Variants in TNC observed in about 807,000 individuals in gnomAD.
The protein encoded by TNC is tenascin.
In TNC, 109 loss-of-function variants were observed where a neutral mutation model predicts 202.4. The ratio of observed to expected loss-of-function variants is 0.54; its 90% confidence interval spans 0.46 to 0.63. The LOEUF (loss-of-function observed/expected upper bound fraction) is 0.63. Among genes scored for constraint, TNC ranks in the 30% least tolerant of loss-of-function variants. TNC has a pLI of 0.00. For synonymous variants in TNC, 1,007 were observed against 1,089.7 expected, an observed-to-expected ratio of 0.92 and a Z score of 1.50; for missense variants, 2,756 against 2,833.3, an observed-to-expected ratio of 0.97 and a Z score of 0.62.
chr9:115,076,410 G>C lies in TNC; in HGVS notation c.2840C>G (p.Thr947Arg). ...EVDVPKSQQA[T>R]TKTTLTGLRP... is the part of the protein sequence containing the mutation. ...CTCACCTGTGAGTGTGGTTTTGGTT[G>C]TGGCTTGTTGGCTCTTTGGAACATC... Residue 947 changes from threonine to arginine, a missense_variant, in exon 8 of 28, where the codon ACA becomes AGA. Coordinates refer to ENST00000350763, the MANE Select transcript of TNC (RefSeq NM_002160.4). The C allele has an allele frequency of 6.2e-7, 1 of 1,613,926 alleles. No homozygotes were observed. Among genetic ancestry groups the C allele is most frequent in the Non-Finnish European group, 8.5e-7 (1 of 1,179,900 alleles).
At chr9:115,060,224 T>G (rs1832444469) in intron 13 of TNC, among the ~76,000 whole-genome samples, 1 of 152,140 alleles carries the variant, frequency 6.6e-6, no homozygotes, top group Non-Finnish European at 1.5e-5. Flanking sequence ...GGTTTATCCT[T>G]GAGATGGCAA....
intron 14 of TNC, 149 bp from the exon 15 acceptor site, chr9:115,057,574 A>G (rs779243149): frequency 1.0e-4 from 92 of 878,448 alleles, no homozygotes; most frequent in Non-Finnish European, 1.4e-4. Flanking sequence ...AATGTTACCA[A>G]TTAGTGCCAA....
At chr9:115,076,942 G>C (rs767530070) in intron 7 of TNC, among the ~76,000 whole-genome samples, 3 of 152,184 alleles carry the variant, frequency 2.0e-5, no homozygotes, top group Non-Finnish European at 4.4e-5. Flanking sequence ...TCTGTCACCA[G>C]GCTGGAGTGT....
chr9:115,055,988 A>G (rs934093992), intron 15 of TNC, among the ~76,000 whole-genome samples: 5 of 152,144 alleles, frequency 3.3e-5, no homozygotes, highest in African/African-American at 7.2e-5. Flanking sequence ...GCAACTGGAT[A>G]ATGTTGGCTC....
intron 15 of TNC, among the ~76,000 whole-genome samples, chr9:115,054,651 A>G (rs1388894757): frequency 6.6e-6 from 1 of 152,218 alleles, no homozygotes; most frequent in Non-Finnish European, 1.5e-5. Flanking sequence ...ACAGAGAAAG[A>G]TAGTGGTAGT....
chr9:115,094,483 A>G (rs932016108), intron 1 of TNC, among the ~76,000 whole-genome samples: 3 of 152,228 alleles, frequency 2.0e-5, no homozygotes, highest in Non-Finnish European at 4.4e-5. Flanking sequence ...TCCTTTGTGG[A>G]TGAACCCAGG....
chr9:115,077,857 G>T, intron 7 of TNC, 86 bp downstream of exon 7: 1 of 1,414,238 alleles, frequency 7.1e-7, no homozygotes, highest in Non-Finnish European at 9.7e-7. Flanking sequence ...TGTAAAATGA[G>T]CCTGGAAGAT....
intron 27 of TNC, among the ~76,000 whole-genome samples, chr9:115,022,103 C>T (rs1197003496): frequency 2.0e-5 from 3 of 152,230 alleles, no homozygotes; most frequent in African/African-American, 7.2e-5. Context: ...ATCCATGAAA[C>T]CCCACATGGC....
At chr9:115,098,609 C>T (rs1835973207) in intron 1 of TNC, among the ~76,000 whole-genome samples, 1 of 152,162 alleles carries the variant, frequency 6.6e-6, no homozygotes, top group South Asian at 2.1e-4. Context: ...TTTAGTAGCT[C>T]ATGGAATATA....
At chr9:115,024,275 T>A in intron 26 of TNC, 139 bp from the exon 27 acceptor site, 1 of 816,328 alleles carries the variant, frequency 1.2e-6, no homozygotes, top group Non-Finnish European at 1.9e-6. Context: ...AGAGTCAGCA[T>A]TGAATGCGGA....
At position 115,064,026 on chromosome 9, in the gene TNC, C is replaced by T. The variant is rs754478194; in HGVS notation, c.3530G>A (p.Gly1177Asp). The change falls in exon 12 of 28, where the codon GGC becomes GAC. Residue 1177 changes from glycine to aspartate, a missense_variant. Physicochemically the swap from Gly to Asp is moderately conservative, Grantham distance 94. Around this residue, in one of 2 missense-constraint regions of TNC, gnomAD observed 2,559 missense variants for 2,546.0 expected, o/e 1.01. Coordinates refer to ENST00000350763, the MANE Select transcript of TNC (RefSeq NM_002160.4). ...NLGEVVVAEV[G>D]WDALKLNWTA... ...CCAGTTGAGTTTGAGGGCATCCCAGCCCACCTCGGCCACCACGACCTCTCC... is the reference window on the plus strand; with the variant it reads ...CCAGTTGAGTTTGAGGGCATCCCAGTCCACCTCGGCCACCACGACCTCTCC... 6.2e-7 allele frequency: 1 copy of T among 1,613,364 alleles called. No individual in the cohort carries two copies. Among genetic ancestry groups the T allele is most frequent in the Non-Finnish European group, 8.5e-7 (1 of 1,179,574 alleles).
chr9:115,057,499 G>T, intron 14 of TNC, 74 bp from the exon 15 acceptor site: 1 of 1,440,728 alleles, frequency 6.9e-7, no homozygotes, highest in Non-Finnish European at 9.3e-7. Context: ...TTAAGATTGA[G>T]GTTGTTAATA....
At chr9:115,024,938 C>T (rs1011948933) in intron 26 of TNC, among the ~76,000 whole-genome samples, 7 of 152,146 alleles carry the variant, frequency 4.6e-5, no homozygotes, top group African/African-American at 4.8e-5. Context: ...GGCATTCTAC[C>T]GTCATAATTT....
rs1169968990 is a variant in TNC at position 115,057,563 on chromosome 9, CAATGTTACCAATTAGT to C, written c.4307-154_4307-139del. On this transcript the variant is annotated intron_variant, in intron 14 of 27. Coordinates refer to ENST00000350763, the MANE Select transcript of TNC (RefSeq NM_002160.4). ...AATTCAGGGCTATGATGGAAGGAAGCAATGTTACCAATTAGTGCCAAAGGGAGAGAAAAAGCAGTTT... is the reference window on the plus strand; with the variant it reads ...AATTCAGGGCTATGATGGAAGGAAGCGCCAAAGGGAGAGAAAAAGCAGTTT... 6 of 925,860 alleles carry C rather than the reference CAATGTTACCAATTAGT, an allele frequency of 6.5e-6. No individual in the cohort carries two copies. The African/African-American group carries it at 1.0e-4, about 15-fold the overall frequency. The allele number at this position is 925,860 out of a possible 1,614,324, so 57.4% of individuals were successfully genotyped here.
In TNC at chr9:115,021,237, C is replaced by T. The variant is rs777064272; in HGVS notation, c.6526G>A (p.Glu2176Lys). 41 of 1,611,768 alleles carry T rather than the reference C, an allele frequency of 2.5e-5. No homozygotes were observed. The highest frequency in any genetic ancestry group is 1.1e-4 in the South Asian group (10 of 91,000). The change falls in exon 28 of 28, where the codon GAA becomes AAA. Residue 2176 changes from glutamate (E) to lysine (K), a missense_variant. Physicochemically the swap from Glu to Lys is moderately conservative, Grantham distance 56. Around this residue, in one of 2 missense-constraint regions of TNC, gnomAD observed 197 missense variants for 287.3 expected, o/e 0.69. Coordinates refer to ENST00000350763, the MANE Select transcript of TNC (RefSeq NM_002160.4). ...GVNWFHWKGHEHSIQFAEMKL... is the reference protein window; with the variant it reads ...GVNWFHWKGHKHSIQFAEMKL... Reference sequence around the variant, plus strand: ...ATCTCAGCAAACTGGATTGAGTGTTCGTGGCCCTTCCAGTGGAACCAGTTA... The same window carrying T: ...ATCTCAGCAAACTGGATTGAGTGTTTGTGGCCCTTCCAGTGGAACCAGTTA...
chr9:115,025,151 AAG>A (rs1311579372), intron 26 of TNC, among the ~76,000 whole-genome samples: 1 of 152,218 alleles, frequency 6.6e-6, no homozygotes, highest in South Asian at 2.1e-4. Flanking sequence ...TGGAAGCACA[AAG>A]AGAGAGGAAC....
At chr9:115,054,805 T>C (rs779924452) in intron 15 of TNC, among the ~76,000 whole-genome samples, 10 of 152,202 alleles carry the variant, frequency 6.6e-5, no homozygotes, top group Non-Finnish European at 1.3e-4. Flanking sequence ...ATTCACCACA[T>C]GCACCAAGAT....
Position 115,035,292 on chromosome 9 carries a change from G to A in TNC, c.5699C>T (p.Ser1900Leu), listed in dbSNP as rs775636762. The A allele has an allele frequency of 4.3e-6, 7 of 1,613,442 alleles. No homozygotes were observed. The highest frequency in any genetic ancestry group is 1.6e-4 in the Middle Eastern group (1 of 6,080). ...PRDLTATEVQ[S>L]ETALLTWRPP... ...TCGCCAGGTAAGGAGGGCAGTTTCC[G>A]ACTGAACCTCAGTAGCAGTCAAGTC... is the stretch of plus-strand genomic sequence containing the variant. Residue 1900 changes from serine (S) to leucine (L), a missense_variant, in exon 22 of 28, where the codon TCG (serine) becomes TTG (leucine). This residue lies in a region of TNC where 2,559 missense variants were observed against 2,546.0 expected (regional missense o/e 1.01). Coordinates refer to ENST00000350763, the MANE Select transcript of TNC (RefSeq NM_002160.4).
At chr9:115,030,160 G>T in intron 24 of TNC, 94 bp downstream of exon 24, 2 of 1,289,570 alleles carry the variant, frequency 1.6e-6, no homozygotes, top group Non-Finnish European at 2.1e-6. Context: ...GTGTCAGAGT[G>T]CATCAGGAGG....
Sources: gnomAD v4.1 joint callset for allele counts (sites outside exome capture counted in the v4.1 genomes callset) on GRCh38, gnomAD v4.1.1 for gene constraint, gnomAD v4.1.1 regional missense constraint, MANE v1.5 for transcripts, NCBI Gene and HGNC (gene_info 2026-07-23, HGNC 2026-07-21) for gene names.